KDM4C: variants seen among roughly 807,000 people sequenced by gnomAD.
KDM4C encodes the protein lysine-specific demethylase 4C.
Under a neutral mutation model 129.3 loss-of-function variants are expected in KDM4C, and 81 were observed. That is an observed-to-expected ratio of 0.63 (90% CI 0.52 to 0.75). The LOEUF (loss-of-function observed/expected upper bound fraction) is 0.75, where lower values mean the gene tolerates loss of function less well. Among genes scored for constraint, KDM4C ranks in the 30% least tolerant of loss-of-function variants. The pLI is 0.00. For synonymous variants in KDM4C, 573 were observed against 456.1 expected (o/e 1.26, Z -3.26); for missense variants, 1,457 against 1,304.0 (o/e 1.12, Z -1.81).
At chr9:6,813,038 G>T (rs2131124987) in intron 3 of KDM4C, among the ~76,000 whole-genome samples, 1 of 152,172 alleles carries the variant, frequency 6.6e-6, no homozygotes, top group South Asian at 2.1e-4. Context: ...AGCCAGGCAT[G>T]GTGGTGCATG....
At chr9:7,088,331 T>C (rs1835390279) in intron 17 of KDM4C, among the ~76,000 whole-genome samples, 1 of 152,244 alleles carries the variant, frequency 6.6e-6, no homozygotes. Context: ...CATTCTCTCT[T>C]TAATCCAGCT....
chr9:7,146,806 C>G (rs1842257215), intron 19 of KDM4C, among the ~76,000 whole-genome samples: 1 of 152,204 alleles, frequency 6.6e-6, no homozygotes. Flanking sequence ...CCTACCCTAC[C>G]AGGCTGTTTC....
chr9:7,149,328 A>C (rs113895659), intron 19 of KDM4C, among the ~76,000 whole-genome samples: 11 of 152,320 alleles, frequency 7.2e-5, no homozygotes, highest in African/African-American at 2.6e-4. Flanking sequence ...GCATACCAGG[A>C]GCGGGGAGAA....
intron 17 of KDM4C, among the ~76,000 whole-genome samples, chr9:7,090,363 G>A (rs1835657324): frequency 6.6e-6 from 1 of 152,158 alleles, no homozygotes; most frequent in South Asian, 2.1e-4. Context: ...TATCTCCACA[G>A]CTTGTTATCA....
In KDM4C at chr9:6,849,545, C is replaced by G; in HGVS notation, c.474C>G (p.Val158=). 6.2e-7 allele frequency: 1 copy of G among 1,612,464 alleles called. No individual in the cohort carries two copies. The highest frequency in any genetic ancestry group is 8.5e-7 in the Non-Finnish European group (1 of 1,178,904). ...GGAACATAGCTCGCCTCAATACAGTCTTGGATGTGGTTGAAGAAGAGTGTG... is the reference window on the plus strand; with the variant it reads ...GGAACATAGCTCGCCTCAATACAGTGTTGGATGTGGTTGAAGAAGAGTGTG... ...DEWNIARLNT[V]LDVVEEECGI... Residue 158 remains valine (V), a synonymous_variant, in exon 5 of 22, where the codon GTC becomes GTG. Transcript: ENST00000381309.
chr9:6,893,039 T>C (rs1203347538), intron 7 of KDM4C, 56 bp from the exon 8 acceptor site: 2 of 1,282,752 alleles, frequency 1.6e-6, no homozygotes, highest in African/African-American at 3.1e-5. Context: ...TTTAATTGTA[T>C]TCATAATTTA....
chr9:6,937,156 T>C (rs1824956612), intron 8 of KDM4C, among the ~76,000 whole-genome samples: 1 of 152,192 alleles, frequency 6.6e-6, no homozygotes, highest in Non-Finnish European at 1.5e-5. Flanking sequence ...TATTTATTTT[T>C]AACATAAGAA....
At chr9:6,730,614 C>CAAA (rs36043237) in intron 1 of KDM4C, among the ~76,000 whole-genome samples, 49 of 109,598 alleles carry the variant, frequency 4.5e-4, no homozygotes, top group Non-Finnish European at 8.0e-4. Context: ...GACTCTGTCT[C>CAAA]AAAAAAAAAA....
chr9:7,011,088 C>T (rs1822603739), intron 12 of KDM4C, among the ~76,000 whole-genome samples: 1 of 151,976 alleles, frequency 6.6e-6, no homozygotes, highest in African/African-American at 2.4e-5. Context: ...ATTTTAAAGA[C>T]TTGACTCTCT....
intron 2 of KDM4C, among the ~76,000 whole-genome samples, chr9:6,801,758 C>T (rs1258281365): frequency 6.6e-6 from 1 of 151,728 alleles, no homozygotes; most frequent in African/African-American, 2.4e-5. Context: ...AGGAAAAACC[C>T]AACAATGCAA....
chr9:7,154,083 G>A (rs1261370230), intron 19 of KDM4C, among the ~76,000 whole-genome samples: 1 of 152,192 alleles, frequency 6.6e-6, no homozygotes, highest in Non-Finnish European at 1.5e-5. Flanking sequence ...GGGAAGCTGG[G>A]GAAGGGAGTG....
chr9:6,985,330 C>A (rs971774204), intron 10 of KDM4C, among the ~76,000 whole-genome samples: 6 of 152,246 alleles, frequency 3.9e-5, no homozygotes, highest in African/African-American at 1.4e-4. Flanking sequence ...TCAGCTGCTA[C>A]TCCAGCCTCA....
In KDM4C at chr9:7,024,108, C is replaced by T. The variant is rs532281990; in HGVS notation, c.2259+8179C>T. On this transcript the variant is annotated intron_variant, in intron 15 of 21. Transcript: ENST00000381309. Reference sequence around the variant, plus strand: ...AGGAAAAGAATGTGTATCCTGTGACCTTCGTATGAAATGTTCTGTAAATAT... The same window carrying T: ...AGGAAAAGAATGTGTATCCTGTGACTTTCGTATGAAATGTTCTGTAAATAT... Among the ~76,000 whole-genome samples the T allele has an allele frequency of 2.0e-5, 3 of 152,168 alleles. No individual in the cohort carries two copies. The South Asian group carries it at 6.2e-4, about 32-fold the overall frequency.
chr9:6,726,176 A>C (rs1478171103), intron 1 of KDM4C, among the ~76,000 whole-genome samples: 2 of 152,110 alleles, frequency 1.3e-5, no homozygotes, highest in African/African-American at 4.8e-5. Flanking sequence ...CGCCTGCCTC[A>C]GCCTCCCAAA....
At chr9:6,724,188 CT>C (rs1817051556) in intron 1 of KDM4C, among the ~76,000 whole-genome samples, 1 of 152,166 alleles carries the variant, frequency 6.6e-6, no homozygotes, top group Non-Finnish European at 1.5e-5. Flanking sequence ...TCTAATGAGC[CT>C]TTTCAGCTAC....
intron 17 of KDM4C, among the ~76,000 whole-genome samples, chr9:7,066,516 G>A (rs1031203284): frequency 2.0e-4 from 31 of 152,158 alleles, no homozygotes; most frequent in South Asian, 8.3e-4. Flanking sequence ...CTTCCAAATA[G>A]CAATAGTGTA....
At chr9:7,042,307 T>G (rs949970306) in intron 15 of KDM4C, among the ~76,000 whole-genome samples, 2 of 152,068 alleles carry the variant, frequency 1.3e-5, no homozygotes, top group African/African-American at 4.8e-5. Flanking sequence ...GGCTCTCCAG[T>G]TTCACTGTTG....
chr9:6,750,808 G>A (rs1818041553), intron 1 of KDM4C, among the ~76,000 whole-genome samples: 1 of 152,178 alleles, frequency 6.6e-6, no homozygotes, highest in South Asian at 2.1e-4. Context: ...AGCAGCAGTG[G>A]TTTATCATTT....
At chr9:7,172,924 A>G (rs78861325) in intron 21 of KDM4C, among the ~76,000 whole-genome samples, 4,266 of 152,354 alleles carry the variant, frequency 0.028, 120 homozygotes, top group East Asian at 0.15. Flanking sequence ...GCATTTTAGG[A>G]GGCAAGATAG....
Sources: allele counts gnomAD v4.1 joint callset (sites outside exome capture counted in the v4.1 genomes callset), GRCh38; gene constraint gnomAD v4.1.1; transcripts MANE v1.5; gene names NCBI Gene and HGNC (gene_info 2026-07-23, HGNC 2026-07-21).